The following PLCB4 variants were observed in gnomAD, a reference collection of about 807,000 sequenced individuals.
PLCB4 encodes 1-phosphatidylinositol 4,5-bisphosphate phosphodiesterase beta-4.
Under a neutral mutation model 178.8 loss-of-function variants are expected in PLCB4, and 77 were observed. The observed-to-expected ratio is 0.43, with a 90% CI of 0.36 to 0.52. The LOEUF is 0.52. Ranked by LOEUF, PLCB4 falls within the 20% of genes least tolerant of loss-of-function variation. The pLI is 0.00. For synonymous variants in PLCB4, 496 were observed against 490.8 expected (o/e 1.01, Z -0.14); for missense variants, 1,024 against 1,453.4 (o/e 0.70, Z 4.80).
intron 18 of PLCB4, among the ~76,000 whole-genome samples, 186 bp downstream of exon 18, chr20:9,393,864 T>C (rs1481421406): frequency 6.6e-6 from 1 of 152,196 alleles, no homozygotes; most frequent in African/African-American, 2.4e-5. Flanking sequence ...TATCAATTAA[T>C]TCATGCAGTA....
At chr20:9,115,426 T>A (rs2091740665) in intron 2 of PLCB4, among the ~76,000 whole-genome samples, 1 of 149,020 alleles carries the variant, frequency 6.7e-6, no homozygotes, top group Non-Finnish European at 1.5e-5. Flanking sequence ...TTTTAAAACT[T>A]CTTCTTCTTT....
chr20:9,280,215 C>A (rs1568515468), intron 3 of PLCB4, among the ~76,000 whole-genome samples: 1 of 151,940 alleles, frequency 6.6e-6, no homozygotes, highest in Non-Finnish European at 1.5e-5. Context: ...GGTCATATCC[C>A]CTGAGAAGTT....
intron 12 of PLCB4, among the ~76,000 whole-genome samples, chr20:9,373,636 T>C (rs148092123): frequency 6.6e-6 from 1 of 152,188 alleles, no homozygotes; most frequent in African/African-American, 2.4e-5. Flanking sequence ...TGGGTGAAAA[T>C]ACATTGAGTT....
rs183945344 is a variant in PLCB4, at chr20:9,336,033, A to G, written c.85-1093A>G. On this transcript the variant is annotated intron_variant, in intron 4 of 39. Coordinates refer to ENST00000378473, the MANE Select transcript of PLCB4 (RefSeq NM_001377142.1). The stretch of plus-strand genomic sequence containing the variant: ...AAGATAAATTTTAACAGGTGAAACT[A>G]AGAGTCTGAACGGCCCTTAAAACCT... Among the ~76,000 whole-genome samples the G allele has an allele frequency of 3.3e-5, 5 of 152,306 alleles. No homozygotes were observed. In the East Asian group the frequency reaches 9.7e-4, roughly 29 times the overall value.
chr20:9,270,204 A>G (rs1380048524), intron 3 of PLCB4, among the ~76,000 whole-genome samples: 1 of 152,178 alleles, frequency 6.6e-6, no homozygotes, highest in African/African-American at 2.4e-5. Context: ...TAAAAGGTAC[A>G]AACAGTAAAA....
chr20:9,461,594 A>AAGGCG (rs1321427857), intron 35 of PLCB4, among the ~76,000 whole-genome samples: 1 of 152,232 alleles, frequency 6.6e-6, no homozygotes, highest in East Asian at 1.9e-4. Flanking sequence ...ACCGGCAGAC[A>AAGGCG]AGGCGATTCT....
Position 9,266,555 on chromosome 20 carries a change from G to C in PLCB4, c.-15-41245G>C, listed in dbSNP as rs559992544. Among the ~76,000 whole-genome samples the C allele has an allele frequency of 4.1e-4, 63 of 152,252 alleles. No homozygotes were observed. In the South Asian group the frequency reaches 0.013, roughly 31 times the overall value. ...CTGTTATTTTCATTGTGTTTTACCT[G>C]TTTGGGGCTTTTAAGCCTTTTTAAA... On this transcript the variant is annotated intron_variant, in intron 3 of 39. Coordinates refer to ENST00000378473, the MANE Select transcript of PLCB4 (RefSeq NM_001377142.1).
intron 35 of PLCB4, among the ~76,000 whole-genome samples, chr20:9,465,958 A>G (rs1480222415): frequency 6.6e-6 from 1 of 152,240 alleles, no homozygotes; most frequent in Non-Finnish European, 1.5e-5. Flanking sequence ...TGGAACCAAA[A>G]AAGAGCCCTC....
At chr20:9,345,985 T>A (rs1230459163) in intron 7 of PLCB4, among the ~76,000 whole-genome samples, 2 of 152,172 alleles carry the variant, frequency 1.3e-5, no homozygotes, top group African/African-American at 4.8e-5. Flanking sequence ...GATTCTCTAT[T>A]TAAATTGAGT....
In PLCB4 at chr20:9,248,838, TAAAAC is replaced by T. The variant is rs577787211; in HGVS notation, c.-16+31389_-16+31393del. 5.3e-3 allele frequency among the ~76,000 whole-genome samples: 811 copies of T among 152,332 alleles called. 5 individuals carry two copies. The highest frequency in any genetic ancestry group is 0.019 in the African/African-American group (776 of 41,582). On this transcript the variant is annotated intron_variant, in intron 3 of 39. Coordinates refer to ENST00000378473, the MANE Select transcript of PLCB4 (RefSeq NM_001377142.1). ...GAAAATCCTCACAAATTTAGTGACT[TAAAAC>T]AACACAAGTTTATTTTCTTATAATT...
intron 15 of PLCB4, among the ~76,000 whole-genome samples, chr20:9,387,821 A>G (rs1253764497): frequency 2.0e-5 from 3 of 152,224 alleles, no homozygotes; most frequent in Admixed American, 1.3e-4. Context: ...TACCTTAGAA[A>G]CAGTGTCTCC....
chr20:9,294,106 A>G (rs1400667006), intron 3 of PLCB4, among the ~76,000 whole-genome samples: 2 of 152,168 alleles, frequency 1.3e-5, no homozygotes, highest in Non-Finnish European at 2.9e-5. Flanking sequence ...AGTTCCTTAA[A>G]TTTAAAGGAA....
chr20:9,404,418 A>G (rs6118595), intron 20 of PLCB4, among the ~76,000 whole-genome samples: 73,711 of 151,850 alleles, frequency 0.49, 20,549 homozygotes, highest in African/African-American at 0.79. Flanking sequence ...AATATTGAAC[A>G]TCTATTAAGA....
At chr20:9,138,131 G>A (rs1269666573) in intron 2 of PLCB4, among the ~76,000 whole-genome samples, 1 of 152,052 alleles carries the variant, frequency 6.6e-6, no homozygotes, top group African/African-American at 2.4e-5. Flanking sequence ...GATAATGAAC[G>A]TATCAGGAAG....
At chr20:9,230,921 A>G (rs1293366776) in intron 3 of PLCB4, among the ~76,000 whole-genome samples, 1 of 152,176 alleles carries the variant, frequency 6.6e-6, no homozygotes, top group Non-Finnish European at 1.5e-5. Flanking sequence ...TTTTTAGGTG[A>G]TGGCTTTAGG....
chr20:9,118,501 A>G lies in PLCB4; in HGVS notation c.-79+22159A>G, dbSNP rs553468429. ...AATATTATTTTCATGCATAATCAAT[A>G]TAAAAATTATCAAGACATTTTACAT... On this transcript the variant is annotated intron_variant, in intron 2 of 39. Transcript: ENST00000378473. Among the ~76,000 whole-genome samples the G allele has an allele frequency of 2.6e-5, 4 of 152,244 alleles. No homozygotes were observed. The East Asian group carries it at 5.8e-4, about 22-fold the overall frequency.
chr20:9,079,096 G>A (rs1029261776), intron 1 of PLCB4, among the ~76,000 whole-genome samples: 2 of 152,176 alleles, frequency 1.3e-5, no homozygotes, highest in African/African-American at 4.8e-5. Context: ...ATTCAAGAAA[G>A]TCTGTGCTAG....
intron 7 of PLCB4, among the ~76,000 whole-genome samples, chr20:9,345,440 A>G (rs1304007124): frequency 6.6e-6 from 1 of 152,186 alleles, no homozygotes; most frequent in Non-Finnish European, 1.5e-5. Flanking sequence ...TTTGGTGTCT[A>G]GCAAAGTTGA....
intron 4 of PLCB4, among the ~76,000 whole-genome samples, chr20:9,313,196 C>A (rs1019914401): frequency 6.6e-6 from 1 of 152,156 alleles, no homozygotes; most frequent in African/African-American, 2.4e-5. Context: ...TGATAATAAT[C>A]ATAATAAATT....
Sources: gnomAD v4.1 joint callset for allele counts (sites outside exome capture counted in the v4.1 genomes callset) on GRCh38, gnomAD v4.1.1 for gene constraint, MANE v1.5 for transcripts, NCBI Gene and HGNC (gene_info 2026-07-23, HGNC 2026-07-21) for gene names.